Variants in TRAPPC10 observed in about 807,000 individuals in gnomAD.
The protein encoded by TRAPPC10 is trafficking protein particle complex subunit 10, also known as TRAPP 130 kDa subunit.
TRAPPC10 carries 23 observed loss-of-function variants against 125.5 expected under a neutral mutation model. The observed-to-expected ratio is 0.18, with a 90% confidence interval of 0.13 to 0.26. The LOEUF (loss-of-function observed/expected upper bound fraction) is 0.26. Among genes scored for constraint, TRAPPC10 ranks in the 10% least tolerant of loss-of-function variants. The pLI is 1.00. For missense variants in TRAPPC10, 1,123 were observed against 1,308.4 expected (o/e 0.86, Z 2.19); for synonymous variants, 509 against 518.0 (o/e 0.98, Z 0.24).
At chr21:44,075,825 G>C (rs890384999) in intron 9 of TRAPPC10, among the ~76,000 whole-genome samples, 2 of 152,150 alleles carry the variant, frequency 1.3e-5, no homozygotes, top group Non-Finnish European at 2.9e-5. Context: ...CGAGGTGGGC[G>C]GATCACCTGA....
At chr21:44,062,825 G>T (rs185316573) in intron 6 of TRAPPC10, 1 of 985,340 alleles carries the variant, frequency 1.0e-6, no homozygotes, top group Non-Finnish European at 1.2e-6. Context: ...ACGTAGGAAT[G>T]AACTGGTTAT....
chr21:44,060,698 T>C (rs1280555085), intron 6 of TRAPPC10, among the ~76,000 whole-genome samples: 1 of 151,578 alleles, frequency 6.6e-6, no homozygotes, highest in African/African-American at 2.4e-5. Context: ...CCTCCAGGGT[T>C]CAAGCGATTT....
intron 1 of TRAPPC10, among the ~76,000 whole-genome samples, chr21:44,019,416 A>G (rs1230600508): frequency 6.6e-6 from 1 of 152,206 alleles, no homozygotes; most frequent in Non-Finnish European, 1.5e-5. Context: ...GGGTTGCCTC[A>G]GAGCTTCCTG....
intron 1 of TRAPPC10, among the ~76,000 whole-genome samples, chr21:44,030,031 A>G (rs2033431358): frequency 6.6e-6 from 1 of 152,202 alleles, no homozygotes; most frequent in Non-Finnish European, 1.5e-5. Context: ...CTAGGTGAAC[A>G]CAGGTTAGAG....
intron 1 of TRAPPC10, among the ~76,000 whole-genome samples, chr21:44,027,326 T>G (rs556421539): frequency 6.6e-6 from 1 of 152,364 alleles, no homozygotes; most frequent in African/African-American, 2.4e-5. Flanking sequence ...GTGATCCTTT[T>G]ATACTTTTGT....
chr21:44,062,916 T>A (rs1189463354), intron 6 of TRAPPC10: 4 of 1,248,508 alleles, frequency 3.2e-6, no homozygotes, highest in Non-Finnish European at 4.1e-6. Context: ...TTATACATTG[T>A]TATGCTTATT....
intron 1 of TRAPPC10, among the ~76,000 whole-genome samples, chr21:44,025,989 A>G (rs2033029614): frequency 6.6e-6 from 1 of 151,968 alleles, no homozygotes. Context: ...GTACTTCTTT[A>G]GACTTGGCCT....
intron 8 of TRAPPC10, 92 bp from the exon 9 acceptor site, chr21:44,074,946 AT>A: frequency 1.0e-6 from 1 of 958,770 alleles, no homozygotes. Flanking sequence ...TTCTTCTAGA[AT>A]TTAGCTGGAT....
chr21:44,078,422 A>G (rs970097348), intron 11 of TRAPPC10, among the ~76,000 whole-genome samples: 2 of 149,114 alleles, frequency 1.3e-5, no homozygotes, highest in Non-Finnish European at 3.0e-5. Context: ...AAGGAAAAAG[A>G]TGCTTGTTTT....
At chr21:44,065,275 G>C (rs1032015408) in intron 7 of TRAPPC10, among the ~76,000 whole-genome samples, 5 of 152,164 alleles carry the variant, frequency 3.3e-5, no homozygotes, top group African/African-American at 1.2e-4. Context: ...GTAGCGTCGG[G>C]GTTCACAGGA....
intron 3 of TRAPPC10, 96 bp from the exon 4 acceptor site, chr21:44,052,184 C>A: frequency 9.3e-7 from 1 of 1,077,230 alleles, no homozygotes; most frequent in Non-Finnish European, 1.3e-6. Context: ...TGCTTTAAAA[C>A]ATTGCGGCCT....
At chr21:44,085,668 C>G (rs2038077140) in intron 15 of TRAPPC10, among the ~76,000 whole-genome samples, 1 of 151,570 alleles carries the variant, frequency 6.6e-6, no homozygotes, top group Non-Finnish European at 1.5e-5. Context: ...GATTGCGCCA[C>G]TGTTCTCCAG....
intron 15 of TRAPPC10, 40 bp downstream of exon 15, chr21:44,084,303 G>T: frequency 6.2e-7 from 1 of 1,601,216 alleles, no homozygotes; most frequent in Non-Finnish European, 8.5e-7. Context: ...CGTGCTGCTG[G>T]GGCAGTTCTG....
At chr21:44,019,192 T>G (rs965595407) in intron 1 of TRAPPC10, among the ~76,000 whole-genome samples, 3 of 152,110 alleles carry the variant, frequency 2.0e-5, no homozygotes, top group Non-Finnish European at 4.4e-5. Context: ...GAGTAGCTGC[T>G]TGTGTGCCAC....
intron 19 of TRAPPC10, among the ~76,000 whole-genome samples, chr21:44,092,384 C>T (rs1354276313): frequency 1.3e-5 from 2 of 152,244 alleles, no homozygotes; most frequent in Non-Finnish European, 1.5e-5. Flanking sequence ...TGATGCCTGC[C>T]AGTGCCAGAG....
At chr21:44,021,539 G>A (rs1446880949) in intron 1 of TRAPPC10, among the ~76,000 whole-genome samples, 3 of 152,152 alleles carry the variant, frequency 2.0e-5, no homozygotes, top group Admixed American at 2.0e-4. Flanking sequence ...GCAATTAGGT[G>A]AACTGCCCAA....
In TRAPPC10 at chr21:44,012,677, C is replaced by T; in HGVS notation, c.67+117C>T. 3 of 890,646 alleles carry T rather than the reference C, an allele frequency of 3.4e-6. No individual in the cohort carries two copies. In the South Asian group the frequency reaches 4.9e-5, roughly 15 times the overall value. 55.2% of individuals were successfully genotyped at this position (890,646 alleles called of 1,614,324 possible). A position where few individuals can be genotyped will look rare whatever the true frequency, so the allele number is the denominator to read the frequency against. On this transcript the variant is annotated intron_variant, in intron 1 of 22. Transcript: ENST00000291574. ...CGGCGCGCTCCGGGCTGGGCCGCTT[C>T]CTGGAGGTGTGACCAGGGCTGCGGC...
chr21:44,048,823 G>C (rs563725768), intron 3 of TRAPPC10, among the ~76,000 whole-genome samples: 209 of 127,140 alleles, frequency 1.6e-3, no homozygotes, highest in African/African-American at 5.7e-3. Context: ...TTTTTTGGTT[G>C]GTTCAGGCAG....
intron 2 of TRAPPC10, among the ~76,000 whole-genome samples, chr21:44,033,923 G>A (rs974838907): frequency 3.3e-5 from 5 of 152,112 alleles, no homozygotes; most frequent in South Asian, 2.1e-4. Context: ...TCCCCTTTCC[G>A]AAACTCCAGT....
Sources: allele counts gnomAD v4.1 joint callset (sites outside exome capture counted in the v4.1 genomes callset), GRCh38; gene constraint gnomAD v4.1.1; transcripts MANE v1.5; gene names NCBI Gene and HGNC (gene_info 2026-07-23, HGNC 2026-07-21).